The following PLCB1 variants were observed in gnomAD, a reference collection of about 807,000 sequenced individuals.
PLCB1 encodes phospholipase C beta 1, also known as 1-phosphatidylinositol 4,5-bisphosphate phosphodiesterase beta-1.
PLCB1 carries 46 observed loss-of-function variants against 161.8 expected under a neutral mutation model. The observed-to-expected ratio is 0.28, with a 90% CI of 0.22 to 0.36. The LOEUF (loss-of-function observed/expected upper bound fraction) is 0.36, where lower values mean the gene tolerates loss of function less well. Among genes scored for constraint, PLCB1 ranks in the 10% least tolerant of loss-of-function variants. The pLI is 1.00. For missense variants in PLCB1, 1,016 were observed against 1,472.5 expected (o/e 0.69, Z 5.07); for synonymous variants, 517 against 503.7 (o/e 1.03, Z -0.35).
intron 31 of PLCB1, among the ~76,000 whole-genome samples, chr20:8,811,892 C>T (rs1353890505): frequency 6.6e-6 from 1 of 152,150 alleles, no homozygotes; most frequent in Non-Finnish European, 1.5e-5. Context: ...TATTTCCTTA[C>T]CCATTAAGGG....
intron 2 of PLCB1, among the ~76,000 whole-genome samples, chr20:8,278,032 T>C (rs1407062680): frequency 1.3e-5 from 2 of 151,920 alleles, no homozygotes; most frequent in African/African-American, 4.8e-5. Context: ...TGTACAGAAA[T>C]GTTCATTGCA....
At chr20:8,290,059 G>A (rs1023731524) in intron 2 of PLCB1, among the ~76,000 whole-genome samples, 3 of 152,096 alleles carry the variant, frequency 2.0e-5, no homozygotes, top group African/African-American at 7.2e-5. Context: ...AATTTTTACT[G>A]TGTACCCTAA....
At chr20:8,427,084 T>C (rs1272599359) in intron 3 of PLCB1, among the ~76,000 whole-genome samples, 4 of 152,094 alleles carry the variant, frequency 2.6e-5, no homozygotes, top group East Asian at 3.9e-4. Flanking sequence ...GGTAATCTTG[T>C]ATTTTTGGTA....
chr20:8,731,580 G>A (rs544414662), intron 18 of PLCB1, among the ~76,000 whole-genome samples: 1 of 152,044 alleles, frequency 6.6e-6, no homozygotes, highest in Admixed American at 6.6e-5. Flanking sequence ...TAATGTTTTA[G>A]AAGTTGGTAT....
intron 23 of PLCB1, chr20:8,750,762 G>A (rs1274308295): frequency 9.9e-7 from 1 of 1,009,318 alleles, no homozygotes; most frequent in African/African-American, 1.6e-5. Flanking sequence ...GGAAAGGCTG[G>A]CTCTAACAAA....
At chr20:8,748,387 T>G (rs1981280723) in intron 23 of PLCB1, among the ~76,000 whole-genome samples, 2 of 152,174 alleles carry the variant, frequency 1.3e-5, no homozygotes, top group African/African-American at 4.8e-5. Context: ...CTAGGGTCTT[T>G]TTAAATATGT....
At chr20:8,594,463 GAT>G (rs1987257566) in intron 3 of PLCB1, among the ~76,000 whole-genome samples, 1 of 152,142 alleles carries the variant, frequency 6.6e-6, no homozygotes, top group African/African-American at 2.4e-5. Context: ...TGCAGAACCT[GAT>G]GAAGTAGGTT....
At position 8,717,843 on chromosome 20, in the gene PLCB1, G is replaced by A. The variant is rs757137361; in HGVS notation, c.1508G>A (p.Gly503Glu). 1.2e-6 allele frequency: 2 copies of A among 1,605,238 alleles called. No homozygotes were observed. Among genetic ancestry groups the A allele is most frequent in the South Asian group, 1.1e-5 (1 of 89,318 alleles). Residue 503 changes from glycine to glutamate, a missense_variant, in exon 14 of 32, where the codon GGA becomes GAA. Gly to Glu is a moderately conservative substitution (Grantham distance 98). This residue lies in a region of PLCB1 where 109 missense variants were observed against 129.7 expected (regional missense o/e 0.84). Transcript: ENST00000338037. ...SSSMFEPSSP[G>E]AGEADTESDD... ...AGCATGTTCGAGCCCTCATCCCCAGGAGCCGGTGAGGGGCTGGTGGGCTCT... is the reference window on the plus strand; with the variant it reads ...AGCATGTTCGAGCCCTCATCCCCAGAAGCCGGTGAGGGGCTGGTGGGCTCT...
chr20:8,278,011 A>G (rs1382185992), intron 2 of PLCB1, among the ~76,000 whole-genome samples: 1 of 152,042 alleles, frequency 6.6e-6, no homozygotes, highest in African/African-American at 2.4e-5. Context: ...ATATGCTTGC[A>G]AAATGAAATA....
chr20:8,571,082 G>T (rs541788120), intron 3 of PLCB1, among the ~76,000 whole-genome samples: 1 of 152,310 alleles, frequency 6.6e-6, no homozygotes, highest in African/African-American at 2.4e-5. Flanking sequence ...GTAAAACTGT[G>T]GAGACAATGG....
At chr20:8,813,505 A>G (rs1337465613) in intron 31 of PLCB1, among the ~76,000 whole-genome samples, 1 of 152,170 alleles carries the variant, frequency 6.6e-6, no homozygotes, top group Non-Finnish European at 1.5e-5. Flanking sequence ...AGGGGCAGAA[A>G]GAAACATTGG....
chr20:8,392,922 A>G (rs1288252978), intron 3 of PLCB1, among the ~76,000 whole-genome samples: 1 of 152,180 alleles, frequency 6.6e-6, no homozygotes, highest in Non-Finnish European at 1.5e-5. Flanking sequence ...GAAAAGTGGC[A>G]ATTAAGATAG....
chr20:8,741,700 A>G lies in PLCB1; in HGVS notation c.2523+127A>G, dbSNP rs1047837129. The G allele has an allele frequency of 1.2e-4, 75 of 606,214 alleles. 1 individual carries two copies. The highest frequency in any genetic ancestry group is 2.7e-4 in the Middle Eastern group (1 of 3,652). The allele number at this position is 606,214 out of a possible 1,614,324, so 37.6% of individuals were successfully genotyped here. On this transcript the variant is annotated intron_variant, in intron 23 of 31. Transcript: ENST00000338037. ...GCACATTGGAACAACACTTTCATGCAGTTTAGCATCATGTCACAGAACATC... is the reference window on the plus strand; with the variant it reads ...GCACATTGGAACAACACTTTCATGCGGTTTAGCATCATGTCACAGAACATC...
At chr20:8,659,358 A>G (rs1012754884) in intron 9 of PLCB1, among the ~76,000 whole-genome samples, 1 of 152,156 alleles carries the variant, frequency 6.6e-6, no homozygotes, top group Non-Finnish European at 1.5e-5. Context: ...CAAATTTTCA[A>G]CTATATGTGG....
chr20:8,814,518 A>T (rs991091084), intron 31 of PLCB1, among the ~76,000 whole-genome samples: 2 of 150,872 alleles, frequency 1.3e-5, no homozygotes, highest in Admixed American at 6.6e-5. Flanking sequence ...CCATCCATCC[A>T]TTTATCCATC....
At chr20:8,349,888 G>C (rs1568642099) in intron 2 of PLCB1, among the ~76,000 whole-genome samples, 1 of 151,812 alleles carries the variant, frequency 6.6e-6, no homozygotes, top group Non-Finnish European at 1.5e-5. Flanking sequence ...TATTAAAAAA[G>C]ACCCAAATGA....
chr20:8,259,036 G>A (rs1005897432), intron 2 of PLCB1, among the ~76,000 whole-genome samples: 2 of 152,104 alleles, frequency 1.3e-5, no homozygotes, highest in African/African-American at 4.8e-5. Context: ...ACAATATGTA[G>A]CCTTTTGAGT....
At chr20:8,429,262 G>T (rs1259784757) in intron 3 of PLCB1, among the ~76,000 whole-genome samples, 1 of 152,180 alleles carries the variant, frequency 6.6e-6, no homozygotes, top group Non-Finnish European at 1.5e-5. Context: ...AATGGACTTA[G>T]ATTTTTTTAA....
At chr20:8,706,924 G>A (rs1437602683) in intron 11 of PLCB1, among the ~76,000 whole-genome samples, 1 of 152,280 alleles carries the variant, frequency 6.6e-6, no homozygotes, top group Middle Eastern at 3.4e-3. Flanking sequence ...AATACACAGA[G>A]GCATTAAGTG....
Sources: allele counts gnomAD v4.1 joint callset (sites outside exome capture counted in the v4.1 genomes callset), GRCh38; gene constraint gnomAD v4.1.1; regional missense constraint gnomAD v4.1.1; transcripts MANE v1.5; gene names NCBI Gene and HGNC (gene_info 2026-07-23, HGNC 2026-07-21).